PRKG1: variants seen among roughly 807,000 people sequenced by gnomAD.
PRKG1 encodes cGMP-dependent protein kinase 1.
A neutral mutation model predicts 88.1 loss-of-function variants in PRKG1; 35 were observed. The ratio of observed to expected loss-of-function variants is 0.40; its 90% confidence interval spans 0.30 to 0.53. The LOEUF (loss-of-function observed/expected upper bound fraction) is 0.53, where lower values mean the gene tolerates loss of function less well. Among genes scored for constraint, PRKG1 ranks in the 20% least tolerant of loss-of-function variants. The pLI, the probability that PRKG1 is intolerant of heterozygous loss-of-function variation, is 0.59. For missense variants in PRKG1, 540 were observed against 839.8 expected, an observed-to-expected ratio of 0.64 and a Z score of 4.41; for synonymous variants, 303 against 292.5, an observed-to-expected ratio of 1.04 and a Z score of -0.37.
chr10:51,919,175 A>G (rs1241483378), intron 5 of PRKG1, among the ~76,000 whole-genome samples: 2 of 152,172 alleles, frequency 1.3e-5, no homozygotes, highest in Non-Finnish European at 2.9e-5. Flanking sequence ...CGGAAAAGGA[A>G]TCATGCAGTT....
At chr10:51,505,760 A>G (rs989066041) in intron 3 of PRKG1, among the ~76,000 whole-genome samples, 1 of 152,042 alleles carries the variant, frequency 6.6e-6, no homozygotes, top group Non-Finnish European at 1.5e-5. Context: ...ATTTGCATAG[A>G]GGTGTTTATA....
At chr10:51,122,346 T>C (rs1298957034) in intron 1 of PRKG1, among the ~76,000 whole-genome samples, 1 of 152,152 alleles carries the variant, frequency 6.6e-6, no homozygotes, top group African/African-American at 2.4e-5. Context: ...GGATGCCACA[T>C]GGACACAATA....
chr10:51,775,042 G>A lies in PRKG1; in HGVS notation c.593-29543G>A, dbSNP rs566976764. ...AGAGGATATGTTAGTATATATTTCT[G>A]TATATAATTTTTAAAAATTTGTTTC... On this transcript the variant is annotated intron_variant, in intron 3 of 17. Transcript: ENST00000373980. 8.2e-4 allele frequency among the ~76,000 whole-genome samples: 124 copies of A among 152,128 alleles called. 1 individual carries two copies. The highest frequency in any genetic ancestry group is 4.8e-3 in the South Asian group (23 of 4,818).
intron 7 of PRKG1, among the ~76,000 whole-genome samples, chr10:52,122,164 G>A (rs1430870296): frequency 1.3e-5 from 2 of 152,194 alleles, no homozygotes; most frequent in African/African-American, 4.8e-5. Context: ...GCAAAACATA[G>A]AAGGGCAAGA....
At chr10:51,376,738 G>A (rs1257209198) in intron 2 of PRKG1, among the ~76,000 whole-genome samples, 2 of 152,122 alleles carry the variant, frequency 1.3e-5, no homozygotes, top group African/African-American at 2.4e-5. Flanking sequence ...GCAAGGGTGC[G>A]ATCTCGGCTC....
At chr10:51,960,020 A>G (rs1843407229) in intron 5 of PRKG1, among the ~76,000 whole-genome samples, 1 of 152,114 alleles carries the variant, frequency 6.6e-6, no homozygotes, top group Non-Finnish European at 1.5e-5. Context: ...TCCTAGTAGA[A>G]TCTAGGATCC....
chr10:52,031,094 TCATTGATC>T (rs1485983390), intron 5 of PRKG1, among the ~76,000 whole-genome samples: 10 of 152,144 alleles, frequency 6.6e-5, no homozygotes, highest in Admixed American at 5.9e-4. Flanking sequence ...ATCCCTAATG[TCATTGATC>T]CACACAGAAC....
intron 9 of PRKG1, among the ~76,000 whole-genome samples, chr10:52,242,974 TA>T (rs1840907424): frequency 6.6e-6 from 1 of 152,126 alleles, no homozygotes; most frequent in Non-Finnish European, 1.5e-5. Context: ...TTTCAAACTG[TA>T]AAAAAATTTC....
chr10:51,814,621 C>T (rs368619862), intron 4 of PRKG1, among the ~76,000 whole-genome samples: 10 of 152,088 alleles, frequency 6.6e-5, no homozygotes, highest in African/African-American at 1.9e-4. Context: ...TTTCTCACCC[C>T]ATTTTCAAGT....
At chr10:52,004,112 C>T (rs1010226939) in intron 5 of PRKG1, among the ~76,000 whole-genome samples, 6 of 152,170 alleles carry the variant, frequency 3.9e-5, no homozygotes, top group Non-Finnish European at 7.3e-5. Context: ...GTCATTTCCT[C>T]TAAGTGTTTT....
chr10:52,034,285 G>T (rs945727389), intron 5 of PRKG1, among the ~76,000 whole-genome samples: 4 of 141,584 alleles, frequency 2.8e-5, no homozygotes, highest in Non-Finnish European at 6.1e-5. Context: ...TTTTTGGGTG[G>T]TGGTATGGAG....
intron 2 of PRKG1, among the ~76,000 whole-genome samples, chr10:51,383,090 A>G (rs1837151880): frequency 1.3e-5 from 2 of 152,112 alleles, no homozygotes; most frequent in South Asian, 4.1e-4. Flanking sequence ...CTACCCCTGG[A>G]GCTAGTGATT....
rs189559428 is a variant in PRKG1, at chr10:51,019,132, T to C, written c.266+27488T>C. Among the ~76,000 whole-genome samples the C allele has an allele frequency of 5.3e-5, 8 of 152,308 alleles. No individual in the cohort carries two copies. In the East Asian group the frequency reaches 1.5e-3, roughly 29 times the overall value. On this transcript the variant is annotated intron_variant, in intron 1 of 17. Coordinates refer to the PRKG1 transcript ENST00000401604. Reference sequence around the variant, plus strand: ...CATTACTGCCCACTTACAGCTACTATTATACCTCTAAACGGTCTGCTTTTT... The same window carrying C: ...CATTACTGCCCACTTACAGCTACTACTATACCTCTAAACGGTCTGCTTTTT...
rs1280069828 is a variant in PRKG1 at position 51,983,686 on chromosome 10, T to C, written c.763-70798T>C. On this transcript the variant is annotated intron_variant, in intron 5 of 17. Transcript: ENST00000373980. ...CTCCCACACCAAACACTCTGGGCTC[T>C]GCATCAGCTAATGTACTGCACCTAC... Among the ~76,000 whole-genome samples the C allele has an allele frequency of 2.0e-5, 3 of 152,248 alleles. No homozygotes were observed. The East Asian group carries it at 5.8e-4, about 29-fold the overall frequency.
At chr10:51,358,798 G>A (rs1842419181) in intron 2 of PRKG1, among the ~76,000 whole-genome samples, 1 of 151,724 alleles carries the variant, frequency 6.6e-6, no homozygotes, top group Admixed American at 6.6e-5. Flanking sequence ...TATGGATGTG[G>A]GTCTTTAACT....
At chr10:51,573,715 T>C (rs1324693427) in intron 3 of PRKG1, among the ~76,000 whole-genome samples, 1 of 151,890 alleles carries the variant, frequency 6.6e-6, no homozygotes, top group South Asian at 2.1e-4. Context: ...CTATGGAGTC[T>C]TAGTTACTCT....
At chr10:52,035,220 C>T (rs1845575510) in intron 5 of PRKG1, among the ~76,000 whole-genome samples, 1 of 152,036 alleles carries the variant, frequency 6.6e-6, no homozygotes, top group Non-Finnish European at 1.5e-5. Flanking sequence ...AAAGTATCTA[C>T]CTAGACTAAG....
rs1034321573 is a variant in PRKG1, at chr10:51,200,529, T to C, written c.478+47199T>C. Among the ~76,000 whole-genome samples the C allele has an allele frequency of 8.5e-5, 13 of 152,314 alleles. No homozygotes were observed. The East Asian group carries it at 2.5e-3, about 29-fold the overall frequency. On this transcript the variant is annotated intron_variant, in intron 2 of 17. Coordinates refer to ENST00000373980, the MANE Select transcript of PRKG1 (RefSeq NM_006258.4). ...TCTTCCTTTCAGTTATCAGTACATT[T>C]ATTGTCTCCCTTACCAGATTGTAAC...
chr10:51,348,290 TGTTAATCA>T (rs1480379880), intron 2 of PRKG1, among the ~76,000 whole-genome samples: 18 of 152,212 alleles, frequency 1.2e-4, no homozygotes, highest in Admixed American at 1.2e-3. Context: ...TCCTTTTCTC[TGTTAATCA>T]GAGAAAGATT....
Sources: gnomAD v4.1 joint callset for allele counts (sites outside exome capture counted in the v4.1 genomes callset) on GRCh38, gnomAD v4.1.1 for gene constraint, MANE v1.5 for transcripts, NCBI Gene and HGNC (gene_info 2026-07-23, HGNC 2026-07-21) for gene names.